STXBP5L: variants seen among roughly 807,000 people sequenced by gnomAD.
STXBP5L encodes the protein syntaxin-binding protein 5-like.
STXBP5L carries 65 observed loss-of-function variants against 144.5 expected under a neutral mutation model. The ratio of observed to expected loss-of-function variants is 0.45; its 90% CI spans 0.37 to 0.55. The LOEUF is 0.55. Among genes scored for constraint, STXBP5L ranks in the 20% least tolerant of loss-of-function variants. The pLI, the probability that STXBP5L is intolerant of heterozygous loss-of-function variation, is 0.00. For synonymous variants in STXBP5L, 505 were observed against 469.6 expected (o/e 1.08, Z -0.97); for missense variants, 1,298 against 1,405.5 (o/e 0.92, Z 1.22).
intron 18 of STXBP5L, among the ~76,000 whole-genome samples, chr3:121,270,985 C>T (rs1157553734): frequency 1.3e-5 from 2 of 152,166 alleles, no homozygotes; most frequent in East Asian, 1.9e-4. Flanking sequence ...AAGGTGATAT[C>T]TACCAGGTTT....
chr3:121,317,458 T>A (rs1350771982), intron 19 of STXBP5L, among the ~76,000 whole-genome samples: 1 of 151,924 alleles, frequency 6.6e-6, no homozygotes, highest in Non-Finnish European at 1.5e-5. Context: ...AATTCTGTGA[T>A]TTTTTTTGGA....
intron 5 of STXBP5L, among the ~76,000 whole-genome samples, chr3:121,060,116 A>C (rs750356372): frequency 7.2e-5 from 11 of 152,036 alleles, no homozygotes; most frequent in Non-Finnish European, 1.2e-4. Flanking sequence ...GTTTGTCATA[A>C]ATAGCTCTTA....
intron 3 of STXBP5L, among the ~76,000 whole-genome samples, chr3:120,980,155 G>A (rs904716664): frequency 1.3e-5 from 2 of 152,122 alleles, no homozygotes; most frequent in African/African-American, 4.8e-5. Flanking sequence ...ATATTTTGGG[G>A]GATGTTTCAT....
At chr3:120,966,553 CT>C (rs956939636) in intron 3 of STXBP5L, among the ~76,000 whole-genome samples, 77 of 152,158 alleles carry the variant, frequency 5.1e-4, no homozygotes, top group African/African-American at 1.6e-3. Context: ...AACTGCAGGT[CT>C]TTTGGAGTTT....
At chr3:121,211,406 GA>G (rs1361797692) in intron 10 of STXBP5L, among the ~76,000 whole-genome samples, 2 of 152,018 alleles carry the variant, frequency 1.3e-5, no homozygotes, top group Non-Finnish European at 2.9e-5. Context: ...TTTCCCAATT[GA>G]AAACCCTTTC....
chr3:121,059,982 G>T (rs180719143), intron 5 of STXBP5L, among the ~76,000 whole-genome samples: 2 of 152,196 alleles, frequency 1.3e-5, no homozygotes, highest in Admixed American at 6.6e-5. Context: ...TTGCCTGATT[G>T]CCCTGGCTAG....
At chr3:121,017,904 C>T (rs1945255717) in intron 3 of STXBP5L, among the ~76,000 whole-genome samples, 1 of 151,842 alleles carries the variant, frequency 6.6e-6, no homozygotes, top group Non-Finnish European at 1.5e-5. Context: ...GTTGTGAGAC[C>T]CCAGTTTCTA....
chr3:121,329,093 C>A (rs751705843), intron 20 of STXBP5L, among the ~76,000 whole-genome samples: 20 of 151,960 alleles, frequency 1.3e-4, no homozygotes, highest in Non-Finnish European at 1.8e-4. Flanking sequence ...GTATGCACAT[C>A]TATGTCTAAT....
chr3:120,963,439 A>G (rs1278117590), intron 3 of STXBP5L, among the ~76,000 whole-genome samples: 2 of 152,236 alleles, frequency 1.3e-5, no homozygotes, highest in Non-Finnish European at 2.9e-5. Context: ...ATTTTGAGAT[A>G]TGTGCCATCA....
chr3:121,256,726 A>G (rs2050217824), intron 16 of STXBP5L, among the ~76,000 whole-genome samples: 1 of 151,864 alleles, frequency 6.6e-6, no homozygotes, highest in Non-Finnish European at 1.5e-5. Flanking sequence ...ACACACACAT[A>G]TACACGTTTG....
intron 9 of STXBP5L, among the ~76,000 whole-genome samples, chr3:121,159,449 G>T (rs1024961788): frequency 6.6e-6 from 1 of 151,848 alleles, no homozygotes; most frequent in African/African-American, 2.4e-5. Flanking sequence ...AAAATTATAG[G>T]TGTGAGCAAC....
intron 8 of STXBP5L, 66 bp downstream of exon 8, chr3:121,152,626 G>A (rs2045970825): frequency 4.1e-6 from 5 of 1,219,344 alleles, no homozygotes; most frequent in African/African-American, 1.6e-5. Context: ...CTACTTTTAA[G>A]CTTTGCACTT....
chr3:121,205,006 A>G (rs1349774457), intron 9 of STXBP5L, among the ~76,000 whole-genome samples: 1 of 152,190 alleles, frequency 6.6e-6, no homozygotes, highest in East Asian at 1.9e-4. Context: ...ATCTGTGTTC[A>G]TTGTCTAATG....
intron 5 of STXBP5L, among the ~76,000 whole-genome samples, chr3:121,096,810 G>C (rs768118748): frequency 4.6e-5 from 7 of 152,186 alleles, no homozygotes; most frequent in Non-Finnish European, 8.8e-5. Flanking sequence ...TCCCATTCAG[G>C]AGGTATGGAG....
In STXBP5L at chr3:121,312,528, A is replaced by C. The variant is rs1320491143; in HGVS notation, c.2111-5947A>C. On this transcript the variant is annotated intron_variant, in intron 19 of 26. Transcript: ENST00000471454. Reference sequence around the variant, plus strand: ...GCAGAGGGGGATTTGGCAGGGTCATAGGACAATAGTGGAGGGAAGGTCAGC... The same window carrying C: ...GCAGAGGGGGATTTGGCAGGGTCATCGGACAATAGTGGAGGGAAGGTCAGC... 9.9e-5 allele frequency among the ~76,000 whole-genome samples: 13 copies of C among 130,752 alleles called. No individual in the cohort carries two copies. The East Asian group carries it at 2.8e-3, about 29-fold the overall frequency. 85.8% of individuals were successfully genotyped at this position (130,752 alleles called of 152,430 possible).
intron 4 of STXBP5L, among the ~76,000 whole-genome samples, chr3:121,045,204 T>A (rs575180875): frequency 5.3e-5 from 8 of 152,128 alleles, no homozygotes; most frequent in African/African-American, 9.7e-5. Flanking sequence ...AAATAAATAT[T>A]CCTTAAGCTA....
At chr3:121,334,221 G>A (rs1461435653) in intron 20 of STXBP5L, among the ~76,000 whole-genome samples, 2 of 152,006 alleles carry the variant, frequency 1.3e-5, no homozygotes, top group East Asian at 1.9e-4. Flanking sequence ...CCAGTCTTGG[G>A]TATGTCTTTA....
At chr3:121,294,117 A>G (rs1307087919) in intron 19 of STXBP5L, among the ~76,000 whole-genome samples, 1 of 152,250 alleles carries the variant, frequency 6.6e-6, no homozygotes, top group Non-Finnish European at 1.5e-5. Flanking sequence ...CTGCTGTGTG[A>G]AGAAAATATT....
chr3:121,037,074 A>T (rs1052658198), intron 3 of STXBP5L, among the ~76,000 whole-genome samples: 1 of 151,962 alleles, frequency 6.6e-6, no homozygotes, highest in Admixed American at 6.6e-5. Context: ...CTACCAGCAC[A>T]CATTATCATG....
Sources: gnomAD v4.1 joint callset for allele counts (sites outside exome capture counted in the v4.1 genomes callset) on GRCh38, gnomAD v4.1.1 for gene constraint, MANE v1.5 for transcripts, NCBI Gene and HGNC (gene_info 2026-07-23, HGNC 2026-07-21) for gene names.